The following ANAPC10 variants were observed in gnomAD, a reference collection of about 807,000 sequenced individuals.
The protein encoded by ANAPC10 is anaphase-promoting complex subunit 10.
ANAPC10 carries 12 observed loss-of-function variants against 22.0 expected under a neutral mutation model. The observed-to-expected ratio is 0.55, with a 90% CI of 0.35 to 0.88. The LOEUF (loss-of-function observed/expected upper bound fraction) is 0.88. Ranked by LOEUF, ANAPC10 falls within the 40% of genes least tolerant of loss-of-function variation. The probability of loss-of-function intolerance (pLI) is 0.01; values close to 1 mark genes in which losing one functional copy is unlikely to be tolerated. For synonymous variants in ANAPC10, 65 were observed against 69.5 expected (o/e 0.94, Z 0.32); for missense variants, 188 against 220.9 (o/e 0.85, Z 0.94).
chr4:145,091,132 T>C (rs1258779378), intron 2 of ANAPC10, among the ~76,000 whole-genome samples: 4 of 152,228 alleles, frequency 2.6e-5, no homozygotes, highest in African/African-American at 7.2e-5. Flanking sequence ...ATGAATTTCA[T>C]ACTCAACACA....
At chr4:145,093,536 C>A (rs934014063) in intron 2 of ANAPC10, among the ~76,000 whole-genome samples, 1 of 149,914 alleles carries the variant, frequency 6.7e-6, no homozygotes, top group Non-Finnish European at 1.5e-5. Context: ...AGACAGGAAT[C>A]TTAAATAACT....
chr4:145,091,886 A>G (rs1309124945), intron 2 of ANAPC10, among the ~76,000 whole-genome samples: 1 of 152,170 alleles, frequency 6.6e-6, no homozygotes, highest in East Asian at 1.9e-4. Context: ...GGACTTGGAC[A>G]AAAGACCACA....
chr4:144,998,947 C>A (rs1086103), intron 4 of ANAPC10, among the ~76,000 whole-genome samples: 4,621 of 152,110 alleles, frequency 0.03, 94 homozygotes, highest in Middle Eastern at 0.075. Flanking sequence ...ACCACTGAAC[C>A]AACAGAAATA....
At chr4:145,073,644 G>T (rs1744801104) in intron 3 of ANAPC10, among the ~76,000 whole-genome samples, 1 of 151,784 alleles carries the variant, frequency 6.6e-6, no homozygotes, top group African/African-American at 2.4e-5. Flanking sequence ...TTCAACCCAG[G>T]CTTTAGTAAA....
rs191245449 is a variant in ANAPC10 at position 145,070,232 on chromosome 4, G to T, written c.207-5540C>A. On this transcript the variant is annotated intron_variant, in intron 3 of 4. Transcript: ENST00000507656. The stretch of plus-strand genomic sequence containing the variant: ...TTTTATTGAAACTAAGTGACACTCC[G>T]TCATATACACATTGTCTATGGGAGC... Among the ~76,000 whole-genome samples, 680 of 152,272 alleles carry T rather than the reference G, an allele frequency of 4.5e-3. 5 individuals are homozygous for T. Among genetic ancestry groups the T allele is most frequent in the South Asian group, 0.029 (140 of 4,828 alleles).
At chr4:145,033,410 A>C (rs1290291982) in intron 4 of ANAPC10, 1 of 152,340 alleles carries the variant, frequency 6.6e-6, no homozygotes, top group Non-Finnish European at 1.5e-5. Context: ...CTGGAAGTTA[A>C]GATTGCCACC....
At chr4:145,043,889 T>C (rs1425937049) in intron 4 of ANAPC10, among the ~76,000 whole-genome samples, 2 of 152,072 alleles carry the variant, frequency 1.3e-5, no homozygotes, top group Non-Finnish European at 2.9e-5. Context: ...TTCACCAAGT[T>C]TCTTAAAGCA....
intron 4 of ANAPC10, among the ~76,000 whole-genome samples, chr4:145,012,201 C>T (rs1481261971): frequency 6.8e-6 from 1 of 147,918 alleles, no homozygotes; most frequent in Non-Finnish European, 1.5e-5. Context: ...TATATACACA[C>T]ACACATATAT....
intron 3 of ANAPC10, among the ~76,000 whole-genome samples, chr4:145,080,369 A>C (rs1162778732): frequency 6.6e-6 from 1 of 152,190 alleles, no homozygotes; most frequent in Non-Finnish European, 1.5e-5. Context: ...GAAAATAAAT[A>C]AATCCTGCCT....
intron 1 of ANAPC10, among the ~76,000 whole-genome samples, chr4:145,096,991 G>A (rs974795813): frequency 6.6e-6 from 1 of 152,028 alleles, no homozygotes; most frequent in African/African-American, 2.4e-5. Flanking sequence ...CAGGTGGATT[G>A]CTTGAGCCCA....
intron 2 of ANAPC10, among the ~76,000 whole-genome samples, chr4:145,083,974 T>TA (rs1309610243): frequency 6.6e-6 from 1 of 152,070 alleles, no homozygotes. Flanking sequence ...ACAGATCTTT[T>TA]TTTTTTTTCT....
chr4:145,076,838 C>T (rs1245772290), intron 3 of ANAPC10, among the ~76,000 whole-genome samples: 1 of 152,212 alleles, frequency 6.6e-6, no homozygotes, highest in Non-Finnish European at 1.5e-5. Flanking sequence ...CAGCAGTACA[C>T]ACCAAGTTGA....
intron 3 of ANAPC10, 151 bp from the exon 4 acceptor site, chr4:145,064,843 T>G (rs1279926782): frequency 1.5e-6 from 1 of 651,534 alleles, no homozygotes; most frequent in African/African-American, 1.9e-5. Context: ...AAATGAAAAA[T>G]GTAAAAATAT....
At chr4:145,040,212 A>C (rs1739311211) in intron 4 of ANAPC10, among the ~76,000 whole-genome samples, 1 of 151,448 alleles carries the variant, frequency 6.6e-6, no homozygotes, top group African/African-American at 2.4e-5. Context: ...GTACAATGGC[A>C]CGATCTGGGC....
intron 4 of ANAPC10, among the ~76,000 whole-genome samples, chr4:145,021,240 A>G (rs1427803107): frequency 6.6e-6 from 1 of 152,224 alleles, no homozygotes; most frequent in East Asian, 1.9e-4. Context: ...GCAAAACAAC[A>G]AATCTGGAGG....
At chr4:145,055,007 TTC>T (rs1430556683) in intron 4 of ANAPC10, among the ~76,000 whole-genome samples, 4 of 152,146 alleles carry the variant, frequency 2.6e-5, no homozygotes, top group Non-Finnish European at 4.4e-5. Flanking sequence ...CTAACTTTGC[TTC>T]TGTTTCTTCT....
intron 4 of ANAPC10, among the ~76,000 whole-genome samples, chr4:145,043,553 C>T (rs747277685): frequency 1.6e-4 from 25 of 152,108 alleles, no homozygotes; most frequent in Non-Finnish European, 2.9e-4. Flanking sequence ...ATGCACTGAG[C>T]TGTAAAACCG....
intron 4 of ANAPC10, among the ~76,000 whole-genome samples, chr4:145,009,112 G>C (rs1009734273): frequency 9.2e-5 from 14 of 151,940 alleles, no homozygotes; most frequent in Non-Finnish European, 1.8e-4. Context: ...AAAATACCTA[G>C]GAATACAACT....
chr4:145,007,334 T>C (rs1306631183), intron 4 of ANAPC10, among the ~76,000 whole-genome samples: 2 of 152,120 alleles, frequency 1.3e-5, no homozygotes, highest in African/African-American at 2.4e-5. Flanking sequence ...GAACAGAATA[T>C]ACATTCTTCT....
Sources: allele counts gnomAD v4.1 joint callset (sites outside exome capture counted in the v4.1 genomes callset), GRCh38; gene constraint gnomAD v4.1.1; transcripts MANE v1.5; gene names NCBI Gene and HGNC (gene_info 2026-07-23, HGNC 2026-07-21).